ZNF385B: variants seen among roughly 807,000 people sequenced by gnomAD.
ZNF385B encodes the protein zinc finger protein 385B.
ZNF385B carries 23 observed loss-of-function variants against 39.2 expected under a neutral mutation model. That is an observed-to-expected ratio of 0.59 (90% CI 0.42 to 0.83). ZNF385B has a LOEUF of 0.83. Ranked by LOEUF, ZNF385B falls within the 40% of genes least tolerant of loss-of-function variation. The pLI, the probability that ZNF385B is intolerant of heterozygous loss-of-function variation, is 0.00. For missense variants in ZNF385B, 552 were observed against 598.9 expected, an observed-to-expected ratio of 0.92 and a Z score of 0.82; for synonymous variants, 205 against 222.6, an observed-to-expected ratio of 0.92 and a Z score of 0.70.
intron 6 of ZNF385B, among the ~76,000 whole-genome samples, chr2:179,460,023 G>A (rs1215072105): frequency 1.3e-5 from 2 of 152,036 alleles, no homozygotes; most frequent in African/African-American, 4.8e-5. Flanking sequence ...AGGATTGCTT[G>A]AACCTGGGAG....
chr2:179,531,498 T>G (rs2059249733), intron 4 of ZNF385B, among the ~76,000 whole-genome samples: 1 of 151,876 alleles, frequency 6.6e-6, no homozygotes, highest in Non-Finnish European at 1.5e-5. Flanking sequence ...CAGCTGGGTG[T>G]GGTGGTGGGC....
intron 5 of ZNF385B, among the ~76,000 whole-genome samples, chr2:179,509,714 C>A (rs1400819): frequency 0.13 from 19,348 of 152,108 alleles, 1,652 homozygotes; most frequent in East Asian, 0.37. Context: ...GCTATTGATT[C>A]TATTTTCAGT....
At chr2:179,708,131 G>C in intron 3 of ZNF385B, among the ~76,000 whole-genome samples, 1 of 152,224 alleles carries the variant, frequency 6.6e-6, no homozygotes, top group East Asian at 1.9e-4. Flanking sequence ...GTTTGGCTCT[G>C]TGTCCCCACC....
chr2:179,583,695 C>G (rs563703896), intron 3 of ZNF385B, among the ~76,000 whole-genome samples: 1 of 152,322 alleles, frequency 6.6e-6, no homozygotes, highest in South Asian at 2.1e-4. Context: ...TTATACCTCA[C>G]TCAGCAAGTA....
At chr2:179,621,553 G>A (rs958595852) in intron 3 of ZNF385B, among the ~76,000 whole-genome samples, 2 of 152,198 alleles carry the variant, frequency 1.3e-5, no homozygotes, top group African/African-American at 4.8e-5. Context: ...CTTAACGTAA[G>A]TTTGCAAAGA....
chr2:179,807,018 G>A (rs141876259), intron 1 of ZNF385B, among the ~76,000 whole-genome samples: 162 of 152,256 alleles, frequency 1.1e-3, no homozygotes, highest in African/African-American at 3.6e-3. Context: ...GGAGGCATTC[G>A]GAAGATATGT....
Position 179,760,089 on chromosome 2 carries a change from C to A in ZNF385B, c.298+9414G>T, listed in dbSNP as rs562252004. Among the ~76,000 whole-genome samples the A allele has an allele frequency of 3.8e-3, 559 of 148,948 alleles. 5 individuals are homozygous for A. Among genetic ancestry groups the A allele is most frequent in the African/African-American group, 0.013 (529 of 40,386 alleles). ...TTTGAGACGGAGTCTCACTCTGTCACCCAGGCTGGAGTGCAGTGGCGTGAT... is the reference window on the plus strand; with the variant it reads ...TTTGAGACGGAGTCTCACTCTGTCAACCAGGCTGGAGTGCAGTGGCGTGAT... On this transcript the variant is annotated intron_variant, in intron 3 of 9. Transcript: ENST00000410066.
chr2:179,579,182 C>T (rs1370422388), intron 3 of ZNF385B, among the ~76,000 whole-genome samples: 1 of 152,048 alleles, frequency 6.6e-6, no homozygotes, highest in African/African-American at 2.4e-5. Context: ...GAGATTAAAT[C>T]CTGGCTAATG....
At chr2:179,735,842 T>C (rs970288615) in intron 3 of ZNF385B, among the ~76,000 whole-genome samples, 14 of 137,396 alleles carry the variant, frequency 1.0e-4, no homozygotes, top group Non-Finnish European at 2.0e-4. Context: ...TGAGATCACA[T>C]GGACACAGGA....
chr2:179,744,176 G>C (rs1282021376), intron 3 of ZNF385B, among the ~76,000 whole-genome samples: 1 of 152,048 alleles, frequency 6.6e-6, no homozygotes, highest in African/African-American at 2.4e-5. Context: ...GCAGATATTA[G>C]CAACTTTAAA....
At chr2:179,783,646 A>G (rs1235926351) in intron 1 of ZNF385B, among the ~76,000 whole-genome samples, 1 of 152,056 alleles carries the variant, frequency 6.6e-6, no homozygotes, top group Non-Finnish European at 1.5e-5. Flanking sequence ...GAGAAAAACA[A>G]CTCCATTAAA....
intron 3 of ZNF385B, among the ~76,000 whole-genome samples, chr2:179,665,586 T>A (rs996684323): frequency 6.6e-6 from 1 of 152,224 alleles, no homozygotes; most frequent in African/African-American, 2.4e-5. Flanking sequence ...CAGATTTCCA[T>A]GACAACATCA....
chr2:179,584,645 A>G (rs1234138216), intron 3 of ZNF385B, among the ~76,000 whole-genome samples: 1 of 152,318 alleles, frequency 6.6e-6, no homozygotes. Flanking sequence ...GGTAAGTAGG[A>G]AAACCTACAT....
intron 3 of ZNF385B, among the ~76,000 whole-genome samples, chr2:179,762,434 T>G (rs1703458851): frequency 6.6e-6 from 1 of 152,102 alleles, no homozygotes; most frequent in Non-Finnish European, 1.5e-5. Flanking sequence ...TCAGGTGCTA[T>G]GCCCACTTCA....
At chr2:179,491,845 C>A (rs1386464605) in intron 5 of ZNF385B, among the ~76,000 whole-genome samples, 1 of 152,038 alleles carries the variant, frequency 6.6e-6, no homozygotes, top group Non-Finnish European at 1.5e-5. Context: ...AGTACAGGTA[C>A]ATGCCACCAT....
chr2:179,861,451 C>T lies in ZNF385B; in HGVS notation c.-505G>A, dbSNP rs1461438342. 1 of 151,676 alleles carries T rather than the reference C, an allele frequency of 6.6e-6. No homozygotes were observed. The highest frequency in any genetic ancestry group is 1.5e-5 in the Non-Finnish European group (1 of 67,966). 9.4% of individuals were successfully genotyped at this position (151,676 alleles called of 1,614,324 possible). A position where few individuals can be genotyped will look rare whatever the true frequency, so the allele number is the denominator to read the frequency against. ...CTGGGCGCGCCCGGCCCGGCCCGGC[C>T]CCGCCGCACGCCCGCCCCCCTGGCC... On this transcript the variant is annotated 5_prime_UTR_variant, in exon 1 of 10. Coordinates refer to ENST00000410066, the MANE Select transcript of ZNF385B (RefSeq NM_152520.6).
intron 4 of ZNF385B, among the ~76,000 whole-genome samples, chr2:179,533,423 A>G (rs1191578009): frequency 6.6e-6 from 1 of 152,206 alleles, no homozygotes; most frequent in African/African-American, 2.4e-5. Flanking sequence ...TTGCATTCTG[A>G]GAAAAAATAT....
At chr2:179,812,205 G>A (rs992286066) in intron 1 of ZNF385B, among the ~76,000 whole-genome samples, 29 of 152,158 alleles carry the variant, frequency 1.9e-4, no homozygotes, top group Admixed American at 1.1e-3. Flanking sequence ...ATGTAAATTC[G>A]TTCAGCAACT....
chr2:179,849,965 C>T (rs1708994995), intron 1 of ZNF385B, among the ~76,000 whole-genome samples: 1 of 152,292 alleles, frequency 6.6e-6, no homozygotes, highest in African/African-American at 2.4e-5. Context: ...GACCACAGAG[C>T]TCAACCCTTG....
Sources: allele counts gnomAD v4.1 joint callset (sites outside exome capture counted in the v4.1 genomes callset), GRCh38; gene constraint gnomAD v4.1.1; transcripts MANE v1.5; gene names NCBI Gene and HGNC (gene_info 2026-07-23, HGNC 2026-07-21).